Variants in UIMC1 observed in about 807,000 individuals in gnomAD.
UIMC1 encodes ubiquitin interaction motif containing 1.
Under a neutral mutation model 84.9 loss-of-function variants are expected in UIMC1, and 42 were observed. The observed-to-expected ratio is 0.49, with a 90% CI of 0.39 to 0.64. The LOEUF (loss-of-function observed/expected upper bound fraction) is 0.64. Ranked by LOEUF, UIMC1 falls within the 30% of genes least tolerant of loss-of-function variation. The pLI, the probability that UIMC1 is intolerant of heterozygous loss-of-function variation, is 0.00. For missense variants in UIMC1, 825 were observed against 847.6 expected (o/e 0.97, Z 0.33); for synonymous variants, 281 against 293.0 (o/e 0.96, Z 0.42).
At chr5:176,957,935 G>A (rs1766810685) in intron 7 of UIMC1, among the ~76,000 whole-genome samples, 158 bp downstream of exon 7, 1 of 152,132 alleles carries the variant, frequency 6.6e-6, no homozygotes, top group African/African-American at 2.4e-5. Context: ...GCACATCTGA[G>A]AACTTAGAGA....
chr5:176,915,793 C>CAAAGAAAAAAAAA (rs1760902495), intron 10 of UIMC1, among the ~76,000 whole-genome samples: 1 of 42,664 alleles, frequency 2.3e-5, no homozygotes, highest in Non-Finnish European at 4.8e-5. Context: ...GGTCACAAAG[C>CAAAGAAAAAAAAA]AAAAAAAAAA....
At position 177,000,498 on chromosome 5, in the gene UIMC1, CTTT is replaced by C. The variant is rs966855813; in HGVS notation, c.-9+6149_-9+6151del. The stretch of plus-strand genomic sequence containing the variant: ...ATATGCCTGTTTTCCACTTGCATGT[CTTT>C]TTTTTTTTTTTTTTTTGAGATGGAG... On this transcript the variant is annotated intron_variant, in intron 1 of 14. Transcript: ENST00000511320. 8.8e-5 allele frequency among the ~76,000 whole-genome samples: 10 copies of C among 113,350 alleles called. No individual in the cohort carries two copies. The South Asian group carries it at 1.8e-3, about 20-fold the overall frequency. The allele number at this position is 113,350 out of a possible 152,430, so 74.4% of individuals were successfully genotyped here. A position where few individuals can be genotyped will look rare whatever the true frequency, so the allele number is the denominator to read the frequency against.
intron 1 of UIMC1, among the ~76,000 whole-genome samples, chr5:176,996,160 C>A (rs1482757238): frequency 6.6e-6 from 1 of 152,122 alleles, no homozygotes; most frequent in Non-Finnish European, 1.5e-5. Context: ...ATCTCAAAGA[C>A]ATTATGGTGA....
chr5:176,965,150 G>C (rs555789740), intron 6 of UIMC1, among the ~76,000 whole-genome samples: 2 of 152,212 alleles, frequency 1.3e-5, no homozygotes, highest in East Asian at 3.9e-4. Context: ...AGCCAGGCGC[G>C]GTGGCTCACG....
At chr5:177,017,113 C>A (rs774906530) in intron 1 of UIMC1, among the ~76,000 whole-genome samples, 4 of 152,114 alleles carry the variant, frequency 2.6e-5, no homozygotes, top group Admixed American at 2.6e-4. Context: ...AAGATGTGCC[C>A]CTGGGCCCCT....
At chr5:176,961,998 T>G (rs1581551502) in intron 6 of UIMC1, among the ~76,000 whole-genome samples, 2 of 57,784 alleles carry the variant, frequency 3.5e-5, no homozygotes, top group Admixed American at 3.1e-4. Context: ...GGTGGGGGGG[T>G]CAGCCCCCCT....
intron 1 of UIMC1, among the ~76,000 whole-genome samples, chr5:177,004,973 C>A (rs144495117): frequency 6.6e-6 from 1 of 152,132 alleles, no homozygotes; most frequent in Admixed American, 6.6e-5. Context: ...GGCAATCAGC[C>A]TCGACCTGGT....
chr5:177,006,448 G>A (rs1051741652), intron 1 of UIMC1: 3 of 152,148 alleles, frequency 2.0e-5, no homozygotes, highest in South Asian at 4.1e-4. Flanking sequence ...ACTTCGGCAA[G>A]GCCAGCCCCG....
intron 10 of UIMC1, among the ~76,000 whole-genome samples, chr5:176,927,814 A>T (rs1762563066): frequency 6.6e-6 from 1 of 151,802 alleles, no homozygotes. Context: ...ACAGTTCTCT[A>T]GAACAGGGAT....
At chr5:177,011,612 T>TAAA (rs1024374905), upstream of UIMC1, among the ~76,000 whole-genome samples, 1 of 151,382 alleles carries the variant, frequency 6.6e-6, no homozygotes, top group Non-Finnish European at 1.5e-5. Flanking sequence ...ATAATAATAA[T>TAAA]AAACTCTTAG....
chr5:176,939,278 A>G (rs965086576), intron 10 of UIMC1, among the ~76,000 whole-genome samples: 2 of 151,816 alleles, frequency 1.3e-5, no homozygotes, highest in African/African-American at 4.8e-5. Flanking sequence ...AAAAAGAAAA[A>G]AAAAGAAAAG....
intron 2 of UIMC1, among the ~76,000 whole-genome samples, chr5:176,977,378 T>C (rs1055544628): frequency 6.6e-6 from 1 of 151,914 alleles, no homozygotes; most frequent in Non-Finnish European, 1.5e-5. Context: ...CTTCATCAGA[T>C]TGACATTTAC....
At position 176,958,130 on chromosome 5, in the gene UIMC1, TTTC is replaced by T; in HGVS notation, c.1222_1224del (p.Glu408del). 6.2e-7 allele frequency: 1 copy of T among 1,613,780 alleles called. No individual in the cohort carries two copies. Among genetic ancestry groups the T allele is most frequent in the Non-Finnish European group, 8.5e-7 (1 of 1,179,788 alleles). ...GGTACAGAGTTTCCCTCTTCAGAAG[TTTC>T]TTCAACAATCCCTTGGGAAGACTGC... On this transcript the variant is annotated inframe_deletion, in exon 7 of 15. Coordinates refer to ENST00000511320, the MANE Select transcript of UIMC1 (RefSeq NM_001199298.2).
intron 3 of UIMC1, among the ~76,000 whole-genome samples, chr5:176,973,176 A>G (rs1253492929): frequency 6.6e-6 from 1 of 152,158 alleles, no homozygotes; most frequent in Non-Finnish European, 1.5e-5. Flanking sequence ...TCGGCCTCCC[A>G]AAGTGCTGGG....
chr5:176,975,384 A>G lies in UIMC1; in HGVS notation c.232+12T>C. ...CAATTCCCAAACCATTATCAACAAA[A>G]TGAAAACATACGTGCGATTTTTCTT... is the stretch of plus-strand genomic sequence containing the variant. On this transcript the variant is annotated intron_variant, in intron 3 of 14. Coordinates refer to ENST00000511320, the MANE Select transcript of UIMC1 (RefSeq NM_001199298.2). 6.2e-7 allele frequency: 1 copy of G among 1,613,402 alleles called. No individual in the cohort carries two copies. Among genetic ancestry groups the G allele is most frequent in the South Asian group, 1.1e-5 (1 of 91,028 alleles).
intron 1 of UIMC1, among the ~76,000 whole-genome samples, chr5:177,005,781 G>C (rs1466817898): frequency 1.3e-5 from 2 of 152,056 alleles, no homozygotes; most frequent in African/African-American, 4.8e-5. Flanking sequence ...CTATATCTCG[G>C]TGCGATGTAG....
At chr5:176,911,258 C>T in intron 11 of UIMC1, 53 bp downstream of exon 11, 1 of 1,459,498 alleles carries the variant, frequency 6.9e-7, no homozygotes, top group Non-Finnish European at 9.2e-7. Context: ...TTTATTCAGT[C>T]CAAACGATGG....
chr5:176,989,976 C>T (rs1043040449), intron 1 of UIMC1, among the ~76,000 whole-genome samples: 1 of 151,854 alleles, frequency 6.6e-6, no homozygotes, highest in East Asian at 1.9e-4. Context: ...GTCAGGAGAT[C>T]GAGACCATCC....
intron 8 of UIMC1, among the ~76,000 whole-genome samples, chr5:176,953,226 A>G (rs1043603688): frequency 1.3e-5 from 2 of 152,138 alleles, no homozygotes; most frequent in African/African-American, 4.8e-5. Context: ...TAACCCACTC[A>G]GTCTAGAGCA....
Sources: gnomAD v4.1 joint callset for allele counts (sites outside exome capture counted in the v4.1 genomes callset) on GRCh38, gnomAD v4.1.1 for gene constraint, MANE v1.5 for transcripts, NCBI Gene and HGNC (gene_info 2026-07-23, HGNC 2026-07-21) for gene names.